Variants in C6orf118 observed in about 807,000 individuals in gnomAD.
The protein encoded by C6orf118 is chromosome 6 open reading frame 118, also known as uncharacterized protein C6orf118.
A neutral mutation model predicts 50.2 loss-of-function variants in C6orf118; 50 were observed. The ratio of observed to expected loss-of-function variants is 1.00; its 90% CI spans 0.79 to 1.26. The LOEUF is 1.26. C6orf118 is among the 50% of genes most tolerant of loss of function. The pLI, the probability that C6orf118 is intolerant of heterozygous loss-of-function variation, is 0.00. For missense variants in C6orf118, 641 were observed against 578.7 expected, an observed-to-expected ratio of 1.11 and a Z score of -1.10; for synonymous variants, 239 against 230.9, an observed-to-expected ratio of 1.03 and a Z score of -0.32.
rs970843643 is a variant in C6orf118, at chr6:165,296,406, C to A, written c.1061+1571G>T. Among the ~76,000 whole-genome samples the A allele has an allele frequency of 1.1e-3, 166 of 152,088 alleles. 1 individual carries two copies. Among genetic ancestry groups the A allele is most frequent in the African/African-American group, 3.7e-3 (154 of 41,508 alleles). On this transcript the variant is annotated intron_variant, in intron 5 of 8. Coordinates refer to ENST00000230301, the MANE Select transcript of C6orf118 (RefSeq NM_144980.4). ...GCCTCAAAATGGTCAGTTCAGATATCTGCCTTAAACAACCACCTCCCAGGG... is the reference window on the plus strand; with the variant it reads ...GCCTCAAAATGGTCAGTTCAGATATATGCCTTAAACAACCACCTCCCAGGG...
intron 7 of C6orf118, among the ~76,000 whole-genome samples, chr6:165,287,772 C>A (rs1779963521): frequency 6.6e-6 from 1 of 152,070 alleles, no homozygotes; most frequent in Admixed American, 6.6e-5. Flanking sequence ...ACACCTTATA[C>A]AAAAAATAAC....
At chr6:165,306,352 A>T (rs1447269810) in intron 1 of C6orf118, among the ~76,000 whole-genome samples, 6 of 86,468 alleles carry the variant, frequency 6.9e-5, no homozygotes, top group African/African-American at 9.1e-5. Context: ...GAGGGATAGC[A>T]TTGGGAGATA....
In C6orf118 at chr6:165,300,436, G is replaced by T. The variant is rs535750180; in HGVS notation, c.804C>A (p.His268Gln). The T allele has an allele frequency of 3.1e-6, 5 of 1,613,560 alleles. No individual in the cohort carries two copies. The African/African-American group carries it at 5.3e-5, about 17-fold the overall frequency. The change falls in exon 3 of 9, where the codon CAC (histidine) becomes CAA (glutamine). Residue 268 changes from histidine (H) to glutamine (Q), a missense_variant. Physicochemically the swap from His to Gln is conservative, Grantham distance 24. Transcript: ENST00000230301. ...TCSPQQFNRL[H>Q]VFGKVFEDIC... ...TATCTTCAAAGACTTTTCCAAAGAC[G>T]TGCAGTCTGTTGAACTGCTGGGGGC...
At chr6:165,296,771 G>A (rs1473157678) in intron 5 of C6orf118, among the ~76,000 whole-genome samples, 2 of 152,228 alleles carry the variant, frequency 1.3e-5, no homozygotes, top group African/African-American at 2.4e-5. Context: ...TCTGGGATCC[G>A]TAAGTAACAA....
chr6:165,280,430 ATTT>A (rs1284059320), intron 8 of C6orf118, among the ~76,000 whole-genome samples: 6 of 152,126 alleles, frequency 3.9e-5, no homozygotes, highest in Non-Finnish European at 5.9e-5. Flanking sequence ...CCAGTTTTGT[ATTT>A]GTAACTCTAT....
rs1780371186 is a variant in C6orf118, at chr6:165,298,010, G to A, written c.1028C>T (p.Thr343Ile). The stretch of plus-strand genomic sequence containing the variant: ...CTGCTCCAGGGCTGCTTTTGTGGCT[G>A]TCACGAGCATCCTCAGCTCTTCCCT... ...LAREELRMLV[T>I]ATKAALEQND... The change falls in exon 5 of 9, where the codon ACA (threonine) becomes ATA (isoleucine). Residue 343 changes from threonine to isoleucine, a missense_variant. By Grantham distance (89) the Thr-to-Ile change is moderately conservative (BLOSUM62 -1). Coordinates refer to ENST00000230301, the MANE Select transcript of C6orf118 (RefSeq NM_144980.4). 1 of 1,613,858 alleles carries A rather than the reference G, an allele frequency of 6.2e-7. No individual in the cohort carries two copies. Among genetic ancestry groups the A allele is most frequent in the African/African-American group, 1.3e-5 (1 of 74,932 alleles).
intron 1 of C6orf118, among the ~76,000 whole-genome samples, chr6:165,306,562 GAAATGATTAAC>G (rs1282972505): frequency 2.4e-5 from 1 of 41,696 alleles, no homozygotes; most frequent in Admixed American, 2.5e-4. Flanking sequence ...AAAAAAAAAA[GAAATGATTAAC>G]AGAACAAATT....
chr6:165,303,530 G>A (rs1032616556), intron 1 of C6orf118, among the ~76,000 whole-genome samples: 7 of 139,526 alleles, frequency 5.0e-5, no homozygotes, highest in Non-Finnish European at 7.6e-5. Context: ...ATGAATCCAG[G>A]AGCTGGTTTT....
At chr6:165,291,789 T>C (rs1780114226) in intron 6 of C6orf118, among the ~76,000 whole-genome samples, 1 of 152,168 alleles carries the variant, frequency 6.6e-6, no homozygotes, top group Admixed American at 6.5e-5. Flanking sequence ...TAAGGCCAAT[T>C]TGTCATCAAT....
intron 7 of C6orf118, among the ~76,000 whole-genome samples, chr6:165,282,418 G>A (rs1779758946): frequency 6.6e-6 from 1 of 152,076 alleles, no homozygotes; most frequent in Non-Finnish European, 1.5e-5. Context: ...TAGTTAGGCT[G>A]CATGGGGTAT....
intron 5 of C6orf118, among the ~76,000 whole-genome samples, chr6:165,294,991 T>G (rs1020637623): frequency 1.3e-5 from 2 of 152,240 alleles, no homozygotes; most frequent in East Asian, 3.9e-4. Context: ...TTTTACATAT[T>G]ATAGTTTTAA....
At chr6:165,289,777 C>T in intron 7 of C6orf118, 109 bp downstream of exon 7, 2 of 615,920 alleles carry the variant, frequency 3.2e-6, no homozygotes, top group Non-Finnish European at 2.5e-6. Context: ...ACATTTGGGC[C>T]AAATTTTATG....
intron 8 of C6orf118, chr6:165,281,416 A>C: frequency 5.9e-6 from 6 of 1,014,196 alleles, no homozygotes; most frequent in Non-Finnish European, 7.7e-6. Flanking sequence ...ATCTAGTTTT[A>C]AATAACTGAT....
In C6orf118 at chr6:165,291,546, G is replaced by A. The variant is rs550054256; in HGVS notation, c.1121-1479C>T. Among the ~76,000 whole-genome samples, 13 of 152,256 alleles carry A rather than the reference G, an allele frequency of 8.5e-5. No individual in the cohort carries two copies. In the South Asian group the frequency reaches 2.7e-3, roughly 32 times the overall value. On this transcript the variant is annotated intron_variant, in intron 6 of 8. Transcript: ENST00000230301. ...CCAGGGGGATGCCAATTTAGAGAAG[G>A]AGATGATGAGTTTAATCTCGGACAT...
Position 165,309,592 on chromosome 6 carries a change from C to G in C6orf118, c.-6G>C. Reference sequence around the variant, plus strand: ...GGCTCCCGCTCCTCCGCCATCGCTTCCTTCCCTCCAGCTGCCTGGGCTGGG... The same window carrying G: ...GGCTCCCGCTCCTCCGCCATCGCTTGCTTCCCTCCAGCTGCCTGGGCTGGG... On this transcript the variant is annotated 5_prime_UTR_variant, in exon 1 of 9. Coordinates refer to ENST00000230301, the MANE Select transcript of C6orf118 (RefSeq NM_144980.4). The G allele has an allele frequency of 6.2e-7, 1 of 1,614,128 alleles. No homozygotes were observed. The highest frequency in any genetic ancestry group is 8.5e-7 in the Non-Finnish European group (1 of 1,180,034).
At chr6:165,298,756 G>T (rs1020939388) in intron 4 of C6orf118, among the ~76,000 whole-genome samples, 3 of 152,206 alleles carry the variant, frequency 2.0e-5, no homozygotes, top group African/African-American at 7.2e-5. Context: ...TCAGCACAAA[G>T]AAAATGGTAC....
chr6:165,296,482 A>AC (rs1325335410), intron 5 of C6orf118, among the ~76,000 whole-genome samples: 1 of 150,312 alleles, frequency 6.7e-6, no homozygotes, highest in African/African-American at 2.4e-5. Flanking sequence ...CAACCCACTG[A>AC]CCCCGCACCC....
chr6:165,298,000 T>C lies in C6orf118; in HGVS notation c.1038A>G (p.Lys346=). Residue 346 remains lysine, a synonymous_variant, in exon 5 of 9, where the codon AAA becomes AAG. Coordinates refer to ENST00000230301, the MANE Select transcript of C6orf118 (RefSeq NM_144980.4). ...ACCTATCATTCTGCTCCAGGGCTGC[T>C]TTTGTGGCTGTCACGAGCATCCTCA... ...EELRMLVTAT[K]AALEQNDRLR... is the part of the protein sequence containing the mutation. 1 of 1,614,012 alleles carries C rather than the reference T, an allele frequency of 6.2e-7. No homozygotes were observed. The highest frequency in any genetic ancestry group is 2.2e-5 in the East Asian group (1 of 44,874).
chr6:165,300,812 TG>T (rs370024640), intron 2 of C6orf118, among the ~76,000 whole-genome samples: 1 of 152,244 alleles, frequency 6.6e-6, no homozygotes, highest in African/African-American at 2.4e-5. Flanking sequence ...GGCTGCTTCC[TG>T]GGGGCCTGCT....
Sources: gnomAD v4.1 joint callset for allele counts (sites outside exome capture counted in the v4.1 genomes callset) on GRCh38, gnomAD v4.1.1 for gene constraint, MANE v1.5 for transcripts, NCBI Gene and HGNC (gene_info 2026-07-23, HGNC 2026-07-21) for gene names.